The following CHSY1 variants were observed in gnomAD, a reference collection of about 807,000 sequenced individuals.
The protein encoded by CHSY1 is N-acetylgalactosaminyl-proteoglycan 3-beta-glucuronosyltransferase 1.
A neutral mutation model predicts 59.8 loss-of-function variants in CHSY1; 13 were observed. The ratio of observed to expected loss-of-function variants is 0.22; its 90% CI spans 0.14 to 0.35. The LOEUF (loss-of-function observed/expected upper bound fraction) is 0.35, where lower values mean the gene tolerates loss of function less well. Ranked by LOEUF, CHSY1 falls within the 10% of genes least tolerant of loss-of-function variation. The pLI, the probability that CHSY1 is intolerant of heterozygous loss-of-function variation, is 1.00. For missense variants in CHSY1, 947 were observed against 1,030.6 expected (o/e 0.92, Z 1.11); for synonymous variants, 459 against 401.2 (o/e 1.14, Z -1.72).
chr15:101,244,215 C>G (rs922900053), intron 1 of CHSY1, among the ~76,000 whole-genome samples: 1 of 152,194 alleles, frequency 6.6e-6, no homozygotes, highest in African/African-American at 2.4e-5. Context: ...AAGGCCTCAA[C>G]AACAGGTGGA....
At chr15:101,189,442 T>G (rs2038414888) in intron 2 of CHSY1, 1 of 985,520 alleles carries the variant, frequency 1.0e-6, no homozygotes, top group South Asian at 4.7e-5. Context: ...ACAAGGTGGA[T>G]GTAAGCCAGA....
At chr15:101,208,419 A>G (rs1335897877) in intron 2 of CHSY1, among the ~76,000 whole-genome samples, 5 of 152,204 alleles carry the variant, frequency 3.3e-5, no homozygotes, top group African/African-American at 1.2e-4. Flanking sequence ...GGCATATCAA[A>G]AAGATACAGA....
intron 2 of CHSY1, among the ~76,000 whole-genome samples, chr15:101,198,819 C>T (rs1160296855): frequency 1.3e-5 from 2 of 152,206 alleles, no homozygotes; most frequent in Non-Finnish European, 2.9e-5. Flanking sequence ...GCTGTTTTTG[C>T]ATTACAGTGG....
chr15:101,183,055 G>GA (rs2038301710), intron 2 of CHSY1, among the ~76,000 whole-genome samples: 1 of 151,894 alleles, frequency 6.6e-6, no homozygotes, highest in Non-Finnish European at 1.5e-5. Flanking sequence ...AAAATCAGAG[G>GA]AAAAAACCCT....
intron 1 of CHSY1, among the ~76,000 whole-genome samples, chr15:101,241,932 A>T (rs921898857): frequency 2.0e-5 from 3 of 152,246 alleles, no homozygotes; most frequent in Non-Finnish European, 4.4e-5. Flanking sequence ...AAACCTTCAC[A>T]TACCCTCCTG....
At chr15:101,218,127 G>A (rs1230429757) in intron 2 of CHSY1, among the ~76,000 whole-genome samples, 1 of 152,182 alleles carries the variant, frequency 6.6e-6, no homozygotes, top group Non-Finnish European at 1.5e-5. Flanking sequence ...CAAAATACCT[G>A]ACTAGCACTC....
chr15:101,199,233 G>A (rs2038543613), intron 2 of CHSY1, among the ~76,000 whole-genome samples: 1 of 152,224 alleles, frequency 6.6e-6, no homozygotes. Context: ...GCCGGGCGCA[G>A]TGGCTCATGC....
intron 2 of CHSY1, among the ~76,000 whole-genome samples, chr15:101,198,793 T>C (rs1333928235): frequency 6.6e-6 from 1 of 152,200 alleles, no homozygotes; most frequent in East Asian, 1.9e-4. Flanking sequence ...TACACTCACT[T>C]TTGTTACTGT....
At chr15:101,214,530 G>C (rs2038713193) in intron 2 of CHSY1, among the ~76,000 whole-genome samples, 1 of 152,186 alleles carries the variant, frequency 6.6e-6, no homozygotes, top group African/African-American at 2.4e-5. Context: ...TACATACTTT[G>C]GTATATGAAT....
At chr15:101,193,350 A>C (rs1406621077) in intron 2 of CHSY1, among the ~76,000 whole-genome samples, 1 of 152,240 alleles carries the variant, frequency 6.6e-6, no homozygotes, top group African/African-American at 2.4e-5. Context: ...GGAAAACCTG[A>C]GGGAGACCAG....
chr15:101,202,644 G>A (rs1596439874), intron 2 of CHSY1, among the ~76,000 whole-genome samples: 1 of 152,284 alleles, frequency 6.6e-6, no homozygotes, highest in South Asian at 2.1e-4. Flanking sequence ...CTGCAGGGGA[G>A]GATGGAGGGC....
At chr15:101,230,729 G>T (rs999883115) in intron 2 of CHSY1, among the ~76,000 whole-genome samples, 2 of 152,050 alleles carry the variant, frequency 1.3e-5, no homozygotes, top group East Asian at 3.9e-4. Flanking sequence ...CTCATAAAAA[G>T]AACATTATCC....
intron 2 of CHSY1, among the ~76,000 whole-genome samples, chr15:101,211,860 C>T (rs1052312451): frequency 4.7e-5 from 7 of 148,702 alleles, no homozygotes; most frequent in South Asian, 2.1e-4. Context: ...AATAGTAAGA[C>T]GAACAAACAA....
intron 1 of CHSY1, among the ~76,000 whole-genome samples, chr15:101,247,849 G>A (rs11630071): frequency 0.3 from 46,355 of 151,992 alleles, 9,958 homozygotes; most frequent in African/African-American, 0.61. Flanking sequence ...CTTTAGTGTG[G>A]ACGGGCATAT....
At chr15:101,226,891 A>G (rs745646792) in intron 2 of CHSY1, among the ~76,000 whole-genome samples, 3 of 152,244 alleles carry the variant, frequency 2.0e-5, no homozygotes, top group Non-Finnish European at 2.9e-5. Flanking sequence ...TCATCTAATT[A>G]TAAAAAGCAA....
intron 2 of CHSY1, among the ~76,000 whole-genome samples, chr15:101,197,388 T>C (rs1384542722): frequency 1.3e-5 from 2 of 152,174 alleles, no homozygotes; most frequent in East Asian, 3.8e-4. Context: ...ATTCCCAAGC[T>C]CACCTGTTAT....
At chr15:101,222,393 G>A (rs1695079310) in intron 2 of CHSY1, among the ~76,000 whole-genome samples, 3 of 152,212 alleles carry the variant, frequency 2.0e-5, no homozygotes. Flanking sequence ...GGCAGAGACA[G>A]TTCCCACAGC....
intron 1 of CHSY1, among the ~76,000 whole-genome samples, chr15:101,244,694 G>C (rs2039034313): frequency 2.0e-5 from 3 of 152,154 alleles, no homozygotes. Context: ...AAACACAGAA[G>C]GGCTTTGTAC....
chr15:101,193,302 G>A (rs1413403644), intron 2 of CHSY1, among the ~76,000 whole-genome samples: 1 of 152,262 alleles, frequency 6.6e-6, no homozygotes, highest in Non-Finnish European at 1.5e-5. Flanking sequence ...CAGGGCTGCA[G>A]CATCATATCC....
Sources: allele counts gnomAD v4.1 joint callset (sites outside exome capture counted in the v4.1 genomes callset), GRCh38; gene constraint gnomAD v4.1.1; transcripts MANE v1.5; gene names NCBI Gene and HGNC (gene_info 2026-07-23, HGNC 2026-07-21).